LHX2: variants seen among roughly 807,000 people sequenced by gnomAD.
LHX2 encodes LIM/homeobox protein Lhx2.
LHX2 carries 6 observed loss-of-function variants against 33.0 expected under a neutral mutation model. The ratio of observed to expected loss-of-function variants is 0.18; its 90% CI spans 0.10 to 0.36. The LOEUF (loss-of-function observed/expected upper bound fraction) is 0.36. Ranked by LOEUF, LHX2 falls within the 10% of genes least tolerant of loss-of-function variation. The pLI is 1.00. For synonymous variants in LHX2, 292 were observed against 253.1 expected (o/e 1.15, Z -1.46); for missense variants, 442 against 586.2 (o/e 0.75, Z 2.54).
chr9:124,032,812 A>G lies in LHX2; in HGVS notation c.*105A>G. 7.9e-7 allele frequency: 1 copy of G among 1,262,196 alleles called. No homozygotes were observed. The highest frequency in any genetic ancestry group is 1.6e-5 in the South Asian group (1 of 63,820). 78.2% of individuals were successfully genotyped at this position (1,262,196 alleles called of 1,614,324 possible). A position where few individuals can be genotyped will look rare whatever the true frequency, so the allele number is the denominator to read the frequency against. ...AGGCTTTGAGCAACTAACTAACCAC[A>G]TTTTAGGATCTCGCCTGGAAACAGA... On this transcript the variant is annotated 3_prime_UTR_variant, in exon 5 of 5. Transcript: ENST00000373615. The surrounding 1 kb of genome is among the most constrained non-coding windows in gnomAD (Gnocchi z 4.1).
In LHX2 at chr9:124,012,431, C is replaced by G; in HGVS notation, c.83C>G (p.Ala28Gly). 6.5e-7 allele frequency: 1 copy of G among 1,541,236 alleles called. No individual in the cohort carries two copies. The highest frequency in any genetic ancestry group is 1.2e-5 in the South Asian group (1 of 83,588). The change falls in exon 1 of 5, where the codon GCC (alanine) becomes GGC (glycine). Residue 28 changes from alanine to glycine, a missense_variant. By Grantham distance (60) the Ala-to-Gly change is moderately conservative. This residue lies in a region of LHX2 where 97 missense variants were observed against 81.5 expected (regional missense o/e 1.19). Coordinates refer to ENST00000373615, the MANE Select transcript of LHX2 (RefSeq NM_004789.4). This position sits in a 1 kb window ranked among gnomAD's most constrained non-coding sequence, Gnocchi z 4.3. Reference sequence around the variant, plus strand: ...CGCAGGGCCAAGAGCGAGGCTCCCGCCATCAGCTCCGCCATCGACCGCGGC... The same window carrying G: ...CGCAGGGCCAAGAGCGAGGCTCCCGGCATCAGCTCCGCCATCGACCGCGGC... ...MDRRAKSEAP[A>G]ISSAIDRGDT...
In LHX2 at chr9:124,012,374, C is replaced by A; in HGVS notation, c.26C>A (p.Pro9His). 6.5e-7 allele frequency: 1 copy of A among 1,526,792 alleles called. No homozygotes were observed. The highest frequency in any genetic ancestry group is 2.6e-5 in the East Asian group (1 of 38,824). 94.6% of individuals were successfully genotyped at this position (1,526,792 alleles called of 1,614,324 possible). Reference protein sequence around the residue: MLFHSLSGPEVHGVIDEMD... With the variant: MLFHSLSGHEVHGVIDEMD... The stretch of plus-strand genomic sequence containing the variant: ...ATGCTGTTCCACAGTCTGTCGGGCC[C>A]CGAGGTGCACGGGGTCATCGACGAG... The change falls in exon 1 of 5, where the codon CCC becomes CAC. Residue 9 changes from proline (P) to histidine (H), a missense_variant. Physicochemically the swap from Pro to His is moderately conservative, Grantham distance 77. This residue lies in a region of LHX2 where 97 missense variants were observed against 81.5 expected (regional missense o/e 1.19). Transcript: ENST00000373615. This position sits in a 1 kb window ranked among gnomAD's most constrained non-coding sequence, Gnocchi z 4.3.
intron 4 of LHX2, among the ~76,000 whole-genome samples, chr9:124,028,798 C>T (rs1441560361): frequency 6.6e-6 from 1 of 152,174 alleles, no homozygotes; most frequent in Non-Finnish European, 1.5e-5. Flanking sequence ...CACTCTGACC[C>T]TCTCTGGTTT....
intron 4 of LHX2, among the ~76,000 whole-genome samples, chr9:124,029,809 C>G (rs900786741): frequency 6.6e-6 from 1 of 152,210 alleles, no homozygotes; most frequent in Admixed American, 6.5e-5. Context: ...GGCAAGGCAG[C>G]GGCACCAAGG....
chr9:124,019,314 C>G (rs1297219140), intron 3 of LHX2, among the ~76,000 whole-genome samples: 1 of 152,156 alleles, frequency 6.6e-6, no homozygotes, highest in Non-Finnish European at 1.5e-5. Flanking sequence ...AGGGGCTCTT[C>G]CCCATCTGGG....
rs1406517446 is a variant in LHX2 at position 124,032,506 on chromosome 9, G to C, written c.1020G>C (p.Ala340=). The change falls in exon 5 of 5, where the codon GCG becomes GCC. Residue 340 remains alanine (A), a synonymous_variant. Coordinates refer to ENST00000373615, the MANE Select transcript of LHX2 (RefSeq NM_004789.4). This position sits in a 1 kb window ranked among gnomAD's most constrained non-coding sequence, Gnocchi z 4.1. ...NTGVDKSTDA[A]LQTGTPSGPA... ...GCGTGGACAAGTCGACAGACGCGGC[G>C]CTGCAGACAGGGACGCCATCGGGCC... 1 of 1,613,290 alleles carries C rather than the reference G, an allele frequency of 6.2e-7. No homozygotes were observed. Among genetic ancestry groups the C allele is most frequent in the South Asian group, 1.1e-5 (1 of 91,070 alleles).
At chr9:124,022,215 T>G (rs3780682) in intron 4 of LHX2, among the ~76,000 whole-genome samples, 12,800 of 152,214 alleles carry the variant, frequency 0.084, 676 homozygotes, top group Middle Eastern at 0.15. Context: ...GTAGCCTGTT[T>G]CCTCATACAA....
intron 3 of LHX2, among the ~76,000 whole-genome samples, chr9:124,018,192 A>G (rs1391830494): frequency 2.0e-5 from 3 of 151,494 alleles, no homozygotes; most frequent in African/African-American, 4.8e-5. Context: ...TCGAAACCCG[A>G]TGGGTTAATA....
Position 124,032,376 on chromosome 9 carries a change from T to G in LHX2, c.934-44T>G. On this transcript the variant is annotated intron_variant, in intron 4 of 4. Transcript: ENST00000373615. This position sits in a 1 kb window ranked among gnomAD's most constrained non-coding sequence, Gnocchi z 4.1. The stretch of plus-strand genomic sequence containing the variant: ...GAGTGAAGCAGTCGGGGGGATGCTC[T>G]GCCTGCCTTCCGCTCACCAGCCCTT... The G allele has an allele frequency of 6.5e-7, 1 of 1,535,896 alleles. No homozygotes were observed. The highest frequency in any genetic ancestry group is 1.8e-5 in the Admixed American group (1 of 56,330).
chr9:124,030,884 C>T (rs1326071868), intron 4 of LHX2, among the ~76,000 whole-genome samples: 10 of 152,066 alleles, frequency 6.6e-5, no homozygotes, highest in Non-Finnish European at 1.2e-4. Context: ...CCACCTGCCT[C>T]GGCCTCCCAA....
chr9:124,022,710 CA>C (rs981456204), intron 4 of LHX2, among the ~76,000 whole-genome samples: 1 of 152,116 alleles, frequency 6.6e-6, no homozygotes, highest in African/African-American at 2.4e-5. Flanking sequence ...TTGTCAGAAA[CA>C]AAAAACAAAC....
In LHX2 at chr9:124,014,980, TCC is replaced by T; in HGVS notation, c.324-136_324-135del. Reference sequence around the variant, plus strand: ...GCCTGGGTCAAAATCTAGTTCTCTCTCCCCCCCATCCTCCAAATAAAGGCCGG... The same window carrying T: ...GCCTGGGTCAAAATCTAGTTCTCTCTCCCCCATCCTCCAAATAAAGGCCGG... On this transcript the variant is annotated intron_variant, in intron 2 of 4. Coordinates refer to ENST00000373615, the MANE Select transcript of LHX2 (RefSeq NM_004789.4). This position sits in a 1 kb window ranked among gnomAD's most constrained non-coding sequence, Gnocchi z 4.8. 2.3e-6 allele frequency: 2 copies of T among 851,822 alleles called. No homozygotes were observed. Among genetic ancestry groups the T allele is most frequent in the Non-Finnish European group, 3.6e-6 (2 of 555,002 alleles). The allele number at this position is 851,822 out of a possible 1,614,324, so 52.8% of individuals were successfully genotyped here.
At chr9:124,030,388 C>T (rs530771781) in intron 4 of LHX2, among the ~76,000 whole-genome samples, 2 of 152,238 alleles carry the variant, frequency 1.3e-5, no homozygotes, top group South Asian at 4.1e-4. Context: ...CCCTGAGGCC[C>T]TTTGTTTTAT....
rs144369631 is a variant in LHX2 at position 124,018,548 on chromosome 9, C to A, written c.728-2551C>A. On this transcript the variant is annotated intron_variant, in intron 3 of 4. Transcript: ENST00000373615. ...TTCTTTCCCCTTTTCTCTACTCCCC[C>A]GCCAATAACGGCTTCGGAAAAGGCC... 2.0e-5 allele frequency among the ~76,000 whole-genome samples: 3 copies of A among 152,186 alleles called. No individual in the cohort carries two copies. The East Asian group carries it at 5.8e-4, about 29-fold the overall frequency.
intron 4 of LHX2, among the ~76,000 whole-genome samples, chr9:124,030,752 C>T (rs1828695184): frequency 6.6e-6 from 1 of 151,196 alleles, no homozygotes; most frequent in Admixed American, 6.6e-5. Flanking sequence ...CTGTCTCAGC[C>T]TCCCGAGTAG....
intron 3 of LHX2, among the ~76,000 whole-genome samples, chr9:124,020,596 G>T (rs1297858773): frequency 6.6e-6 from 1 of 152,096 alleles, no homozygotes; most frequent in Non-Finnish European, 1.5e-5. Context: ...AGGAGGGCAG[G>T]CCCAGAGACC....
intron 4 of LHX2, among the ~76,000 whole-genome samples, chr9:124,024,552 A>G (rs990470403): frequency 7.2e-5 from 11 of 152,332 alleles, no homozygotes; most frequent in African/African-American, 2.4e-4. Flanking sequence ...TGCCTTATCT[A>G]TGAAATGGGG....
chr9:124,025,464 G>C (rs75796651), intron 4 of LHX2, among the ~76,000 whole-genome samples: 52 of 132,310 alleles, frequency 3.9e-4, no homozygotes, highest in African/African-American at 1.3e-3. Flanking sequence ...AAAAAAAAAA[G>C]ACTTTAAGCC....
intron 4 of LHX2, among the ~76,000 whole-genome samples, chr9:124,026,471 A>G (rs1438827295): frequency 6.6e-6 from 1 of 152,132 alleles, no homozygotes; most frequent in African/African-American, 2.4e-5. Flanking sequence ...AAAAAAAAAA[A>G]AAAAAGACAT....
Sources: allele counts gnomAD v4.1 joint callset (sites outside exome capture counted in the v4.1 genomes callset), GRCh38; gene constraint gnomAD v4.1.1; regional missense constraint gnomAD v4.1.1; non-coding constraint Gnocchi (gnomAD v3.1); transcripts MANE v1.5; gene names NCBI Gene and HGNC (gene_info 2026-07-23, HGNC 2026-07-21).